MGLL: variants seen among roughly 807,000 people sequenced by gnomAD.
MGLL encodes monoglyceride lipase.
MGLL carries 7 observed loss-of-function variants against 29.1 expected under a neutral mutation model. The observed-to-expected ratio is 0.24, with a 90% CI of 0.14 to 0.45. The LOEUF (loss-of-function observed/expected upper bound fraction) is 0.45, where lower values mean the gene tolerates loss of function less well. Ranked by LOEUF, MGLL falls within the 20% of genes least tolerant of loss-of-function variation. The pLI, the probability that MGLL is intolerant of heterozygous loss-of-function variation, is 0.99. For synonymous variants in MGLL, 148 were observed against 168.3 expected, an observed-to-expected ratio of 0.88 and a Z score of 0.93; for missense variants, 356 against 413.6, an observed-to-expected ratio of 0.86 and a Z score of 1.21.
In MGLL at chr3:127,729,394, AT is replaced by A. The variant is rs576340542; in HGVS notation, c.263-6829del. 3.9e-5 allele frequency among the ~76,000 whole-genome samples: 6 copies of A among 152,174 alleles called. No homozygotes were observed. The East Asian group carries it at 9.6e-4, about 24-fold the overall frequency. ...CCATCATCCATCTCTAGATAGTTTC[AT>A]TTTTTTACATTCGAATCTTTGACCC... On this transcript the variant is annotated intron_variant, in intron 3 of 7. Transcript: ENST00000265052.
chr3:127,747,483 G>T (rs1416119844), intron 3 of MGLL, among the ~76,000 whole-genome samples: 1 of 152,178 alleles, frequency 6.6e-6, no homozygotes, highest in Non-Finnish European at 1.5e-5. Context: ...TGGTGTCTTT[G>T]TATCTCCAGC....
chr3:127,759,692 G>A (rs183574186), intron 3 of MGLL, among the ~76,000 whole-genome samples: 3 of 152,304 alleles, frequency 2.0e-5, no homozygotes, highest in Non-Finnish European at 2.9e-5. Flanking sequence ...CTTGGTTCTC[G>A]TGTGGACTGG....
chr3:127,710,610 A>T lies in MGLL; in HGVS notation c.566T>A (p.Ile189Asn). ...ATTCCGAGAGAGCACGCTGGAGTCG[A>T]TGGGCCCGAGGGACAAGTTTGGCAG... Reference protein sequence around the residue: ...LVLPNLSLGPIDSSVLSRNKT... With the variant: ...LVLPNLSLGPNDSSVLSRNKT... The change falls in exon 6 of 8, where the codon ATC becomes AAC. Residue 189 changes from isoleucine (I) to asparagine (N), a missense_variant. By Grantham distance (149) the Ile-to-Asn change is moderately radical (BLOSUM62 -3). Coordinates refer to ENST00000265052, the MANE Select transcript of MGLL (RefSeq NM_007283.7). 1 of 1,572,040 alleles carries T rather than the reference A, an allele frequency of 6.4e-7. No individual in the cohort carries two copies. Among genetic ancestry groups the T allele is most frequent in the Admixed American group, 1.9e-5 (1 of 53,632 alleles).
chr3:127,772,447 C>G (rs2076965750), intron 3 of MGLL, among the ~76,000 whole-genome samples: 1 of 152,224 alleles, frequency 6.6e-6, no homozygotes, highest in African/African-American at 2.4e-5. Context: ...CTCTCTAAAG[C>G]TGAGCCTGTT....
chr3:127,705,548 G>A (rs1658029), intron 6 of MGLL, among the ~76,000 whole-genome samples: 5,391 of 151,942 alleles, frequency 0.035, 226 homozygotes, highest in African/African-American at 0.098. Context: ...AGGCTGAGGC[G>A]GGCTGATCAC....
At chr3:127,774,318 C>T (rs1228768579) in intron 3 of MGLL, among the ~76,000 whole-genome samples, 1 of 152,236 alleles carries the variant, frequency 6.6e-6, no homozygotes, top group Non-Finnish European at 1.5e-5. Context: ...GCTTCCCAAA[C>T]TGTTGGGCAG....
chr3:127,724,613 T>C (rs1242425804), intron 3 of MGLL, among the ~76,000 whole-genome samples: 1 of 152,130 alleles, frequency 6.6e-6, no homozygotes, highest in Admixed American at 6.5e-5. Flanking sequence ...GGTGATTCTG[T>C]GTTGAATTTT....
intron 3 of MGLL, among the ~76,000 whole-genome samples, chr3:127,781,183 G>A (rs1371141095): frequency 1.3e-5 from 2 of 151,660 alleles, no homozygotes; most frequent in Non-Finnish European, 3.0e-5. Flanking sequence ...ACATGTGTAT[G>A]TATGTGTGTA....
At chr3:127,708,024 C>T (rs940679315) in intron 6 of MGLL, among the ~76,000 whole-genome samples, 1 of 152,200 alleles carries the variant, frequency 6.6e-6, no homozygotes, top group South Asian at 2.1e-4. Flanking sequence ...CCTCGATTCC[C>T]GGCCAGTGGC....
chr3:127,702,843 C>T (rs543110470), intron 6 of MGLL, among the ~76,000 whole-genome samples: 98 of 152,250 alleles, frequency 6.4e-4, no homozygotes, highest in Non-Finnish European at 1.3e-3. Context: ...TACAGGCACA[C>T]GCCACCATGC....
intron 2 of MGLL, among the ~76,000 whole-genome samples, chr3:127,808,374 G>A (rs2077605856): frequency 6.6e-6 from 1 of 152,190 alleles, no homozygotes; most frequent in Non-Finnish European, 1.5e-5. Flanking sequence ...GGTTGCCAGA[G>A]TGCCCAGGGT....
intron 3 of MGLL, among the ~76,000 whole-genome samples, chr3:127,748,408 AAG>A (rs748224127): frequency 5.4e-4 from 74 of 137,300 alleles, no homozygotes; most frequent in East Asian, 6.4e-4. Flanking sequence ...GAGAGAGAGA[AAG>A]AGAGAGAGAG....
chr3:127,711,300 C>G (rs377253462), intron 5 of MGLL: 11 of 168,416 alleles, frequency 6.5e-5, no homozygotes, highest in African/African-American at 2.4e-4. Flanking sequence ...TGACCCTCCC[C>G]CAGAGGACCA....
intron 3 of MGLL, among the ~76,000 whole-genome samples, chr3:127,743,572 T>TAAAAAA (rs35691902): frequency 2.5e-5 from 1 of 40,720 alleles, no homozygotes; most frequent in African/African-American, 1.2e-4. Context: ...CCACTAATGC[T>TAAAAAA]AAAAAAAAAA....
At position 127,691,197 on chromosome 3, in the gene MGLL, G is replaced by T. The variant is rs895329856; in HGVS notation, c.*1001C>A. ...GAAGAGCACTGGGCCTTGCCCATAG[G>T]AAAGGCCCAGCCAAGTCCCCTCTCG... On this transcript the variant is annotated 3_prime_UTR_variant, in exon 8 of 8. Transcript: ENST00000265052. 6.6e-6 allele frequency: 1 copy of T among 152,618 alleles called. No individual in the cohort carries two copies. The highest frequency in any genetic ancestry group is 1.5e-5 in the Non-Finnish European group (1 of 68,076). 9.5% of individuals were successfully genotyped at this position (152,618 alleles called of 1,614,324 possible).
chr3:127,757,742 G>A (rs540201978), intron 3 of MGLL, among the ~76,000 whole-genome samples: 1 of 152,328 alleles, frequency 6.6e-6, no homozygotes, highest in East Asian at 1.9e-4. Flanking sequence ...CTCCGAGAGA[G>A]TGTTTCTTGA....
Position 127,692,093 on chromosome 3 carries a change from G to GTTTT in MGLL, c.*104_*105insAAAA. On this transcript the variant is annotated 3_prime_UTR_variant, in exon 8 of 8. Transcript: ENST00000265052. ...TGTGCTAAGGATTTCTCCAATTTCT[G>GTTTT]ATTTTTTTTTTTTTTTTTTTTTGGC... The GTTTT allele has an allele frequency of 9.0e-7, 1 of 1,107,424 alleles. No homozygotes were observed. The highest frequency in any genetic ancestry group is 1.2e-6 in the Non-Finnish European group (1 of 802,980). 68.6% of individuals were successfully genotyped at this position (1,107,424 alleles called of 1,614,324 possible).
At chr3:127,753,243 T>G (rs2076591619) in intron 3 of MGLL, among the ~76,000 whole-genome samples, 2 of 152,162 alleles carry the variant, frequency 1.3e-5, no homozygotes, top group Admixed American at 1.3e-4. Context: ...TCCTGCAACC[T>G]GGATGGTGAG....
At chr3:127,744,634 G>A (rs2076407320) in intron 3 of MGLL, among the ~76,000 whole-genome samples, 1 of 152,202 alleles carries the variant, frequency 6.6e-6, no homozygotes, top group Non-Finnish European at 1.5e-5. Context: ...AAACTTCCAG[G>A]ATGCATGAGA....
Sources: allele counts gnomAD v4.1 joint callset (sites outside exome capture counted in the v4.1 genomes callset), GRCh38; gene constraint gnomAD v4.1.1; transcripts MANE v1.5; gene names NCBI Gene and HGNC (gene_info 2026-07-23, HGNC 2026-07-21).